Variants in JAK2 observed in about 807,000 individuals in gnomAD.
The protein encoded by JAK2 is Janus kinase 2.
In JAK2, 86 loss-of-function variants were observed where a neutral mutation model predicts 139.3. The observed-to-expected ratio is 0.62, with a 90% CI of 0.52 to 0.74. JAK2 has a LOEUF of 0.74. JAK2 is among the 30% of genes least tolerant of loss of function. The pLI, the probability that JAK2 is intolerant of heterozygous loss-of-function variation, is 0.00. For missense variants in JAK2, 1,421 were observed against 1,360.3 expected (o/e 1.04, Z -0.70); for synonymous variants, 490 against 437.7 (o/e 1.12, Z -1.49).
At chr9:5,079,829 T>A (rs182186825) in intron 16 of JAK2, among the ~76,000 whole-genome samples, 1,901 of 148,206 alleles carry the variant, frequency 0.013, 21 homozygotes, top group Non-Finnish European at 0.02. Context: ...AAAAAAAAAA[T>A]TTTTTTTTTT....
At chr9:5,066,086 A>G (rs763975751) in intron 9 of JAK2, among the ~76,000 whole-genome samples, 13 of 152,146 alleles carry the variant, frequency 8.5e-5, no homozygotes, top group Non-Finnish European at 1.8e-4. Flanking sequence ...ATTGGTTTGT[A>G]TATTAGAAAT....
rs1037478906 is a variant in JAK2 at position 5,077,454 on chromosome 9, T to C, written c.1866T>C (p.Asn622=). Residue 622 remains asparagine, a splice_region_variant and synonymous_variant, in exon 15 of 25, where the codon AAT becomes AAC. Transcript: ENST00000381652. ...NYGVCVCGDE[N]ILVQEFVKFG... ...ATTATTACTTATATTTTAATGCAGA[T>C]ATTCTGGTTCAGGAGTTTGTAAAAT... The C allele has an allele frequency of 8.3e-6, 9 of 1,089,472 alleles. No individual in the cohort carries two copies. Among genetic ancestry groups the C allele is most frequent in the Non-Finnish European group, 1.1e-5 (9 of 796,340 alleles). The allele number at this position is 1,089,472 out of a possible 1,614,324, so 67.5% of individuals were successfully genotyped here.
intron 21 of JAK2, 64 bp from the exon 22 acceptor site, chr9:5,090,675 G>T (rs79385052): frequency 3.9e-6 from 6 of 1,539,276 alleles, no homozygotes; most frequent in Non-Finnish European, 5.2e-6. Context: ...AATATATAGG[G>T]TTAAGACCAT....
At chr9:5,007,972 C>T (rs201817044) in intron 2 of JAK2, among the ~76,000 whole-genome samples, 2 of 151,952 alleles carry the variant, frequency 1.3e-5, no homozygotes, top group African/African-American at 4.8e-5. Flanking sequence ...CAAATGATCC[C>T]CCCGCCTCGG....
chr9:5,082,287 GA>G (rs1407915968), intron 19 of JAK2, among the ~76,000 whole-genome samples: 5 of 152,190 alleles, frequency 3.3e-5, no homozygotes, highest in Admixed American at 3.3e-4. Context: ...AGGTCAGCAA[GA>G]AAACATGTGA....
At chr9:5,048,557 A>G (rs1051414463) in intron 5 of JAK2, among the ~76,000 whole-genome samples, 1 of 152,188 alleles carries the variant, frequency 6.6e-6, no homozygotes, top group African/African-American at 2.4e-5. Flanking sequence ...GTGTGGTGAA[A>G]TAAGTGTTTA....
chr9:5,126,455 T>G lies in JAK2; in HGVS notation c.3291+9T>G, dbSNP rs1240102511. ...ATGGATGCCCAGATGAGGTAACAAT[T>G]TTTTTTTAATCCAGGGTAGTCATGC... On this transcript the variant is annotated intron_variant, in intron 24 of 24. Transcript: ENST00000381652. 6.4e-7 allele frequency: 1 copy of G among 1,555,418 alleles called. No homozygotes were observed. The highest frequency in any genetic ancestry group is 8.8e-7 in the Non-Finnish European group (1 of 1,133,448).
At chr9:5,000,261 T>C (rs1292478174) in intron 2 of JAK2, among the ~76,000 whole-genome samples, 1 of 152,158 alleles carries the variant, frequency 6.6e-6, no homozygotes, top group African/African-American at 2.4e-5. Flanking sequence ...AGAAAGGAGG[T>C]ACATAATGTG....
At chr9:4,988,434 CA>C (rs1476985487) in intron 2 of JAK2, among the ~76,000 whole-genome samples, 16 of 152,346 alleles carry the variant, frequency 1.1e-4, no homozygotes, top group African/African-American at 3.4e-4. Context: ...ATAAGTTCTA[CA>C]GTGCTCTACA....
At position 5,103,221 on chromosome 9, in the gene JAK2, C is replaced by CAAAAAAAAAAAAAAAAA. The variant is rs56691830; in HGVS notation, c.3059+12328_3059+12344dup. 8.7e-4 allele frequency among the ~76,000 whole-genome samples: 6 copies of CAAAAAAAAAAAAAAAAA among 6,872 alleles called. 1 individual carries two copies. The highest frequency in any genetic ancestry group is 1.8e-3 in the African/African-American group (3 of 1,694). The allele number at this position is 6,872 out of a possible 152,430, so 4.5% of individuals were successfully genotyped here. Reference sequence around the variant, plus strand: ...GAAGATCTACCAAGCAAAGGGAAAGCAAAAAAAAAAAAAAAAAAAAAAAAA... The same window carrying CAAAAAAAAAAAAAAAAA: ...GAAGATCTACCAAGCAAAGGGAAAGCAAAAAAAAAAAAAAAAAAAAAAAAAAAAAAAAAAAAAAAAAA... On this transcript the variant is annotated intron_variant, in intron 22 of 24. Coordinates refer to ENST00000381652, the MANE Select transcript of JAK2 (RefSeq NM_004972.4).
At chr9:5,040,928 G>C in intron 4 of JAK2, 1 of 375,860 alleles carries the variant, frequency 2.7e-6, no homozygotes, top group Non-Finnish European at 5.0e-6. Context: ...CCGGCAGCCT[G>C]GCCATGGCGG....
intron 2 of JAK2, among the ~76,000 whole-genome samples, chr9:5,021,462 C>T (rs1822423745): frequency 6.6e-6 from 1 of 152,122 alleles, no homozygotes; most frequent in Non-Finnish European, 1.5e-5. Flanking sequence ...TAATCTTTGT[C>T]CACAGGAAGT....
At chr9:5,103,884 A>C (rs537273670) in intron 22 of JAK2, among the ~76,000 whole-genome samples, 1 of 152,370 alleles carries the variant, frequency 6.6e-6, no homozygotes, top group African/African-American at 2.4e-5. Context: ...ACAAAGACAC[A>C]GCATACCAGA....
At chr9:5,123,606 A>G (rs1440254639) in intron 23 of JAK2, among the ~76,000 whole-genome samples, 2 of 152,036 alleles carry the variant, frequency 1.3e-5, no homozygotes, top group Non-Finnish European at 2.9e-5. Flanking sequence ...ATGCTGCAAT[A>G]AACATACAGG....
intron 8 of JAK2, among the ~76,000 whole-genome samples, chr9:5,058,883 GTT>G (rs1010743174): frequency 6.6e-6 from 1 of 151,414 alleles, no homozygotes; most frequent in African/African-American, 2.4e-5. Flanking sequence ...TTTTAATCAG[GTT>G]TTTTTTGCTG....
intron 3 of JAK2, among the ~76,000 whole-genome samples, chr9:5,022,928 A>C (rs941461038): frequency 6.6e-6 from 1 of 152,264 alleles, no homozygotes. Context: ...AGTATTTATA[A>C]GAATGTATGA....
At chr9:5,052,479 AAG>A (rs541044636) in intron 6 of JAK2, among the ~76,000 whole-genome samples, 4 of 152,068 alleles carry the variant, frequency 2.6e-5, no homozygotes, top group East Asian at 3.8e-4. Flanking sequence ...GATATTTTAA[AAG>A]AGTTTATTGA....
intron 19 of JAK2, among the ~76,000 whole-genome samples, chr9:5,087,627 A>C (rs1820234510): frequency 6.6e-6 from 1 of 152,244 alleles, no homozygotes; most frequent in African/African-American, 2.4e-5. Context: ...TTTGCCTATC[A>C]AAGTGACAAG....
chr9:4,988,953 G>C (rs1456266541), intron 2 of JAK2, among the ~76,000 whole-genome samples: 1 of 151,652 alleles, frequency 6.6e-6, no homozygotes, highest in Non-Finnish European at 1.5e-5. Context: ...CTCCTTTACT[G>C]TGTGAATCCC....
Sources: allele counts gnomAD v4.1 joint callset (sites outside exome capture counted in the v4.1 genomes callset), GRCh38; gene constraint gnomAD v4.1.1; transcripts MANE v1.5; gene names NCBI Gene and HGNC (gene_info 2026-07-23, HGNC 2026-07-21).